Variants in NALF1 observed in about 807,000 individuals in gnomAD.
NALF1 encodes NALCN channel auxiliary factor 1.
Under a neutral mutation model 48.4 loss-of-function variants are expected in NALF1, and 3 were observed. The ratio of observed to expected loss-of-function variants is 0.06; its 90% CI spans 0.03 to 0.16. NALF1 has a LOEUF of 0.16. Among genes scored for constraint, NALF1 ranks in the 10% least tolerant of loss-of-function variants. The pLI, the probability that NALF1 is intolerant of heterozygous loss-of-function variation, is 1.00. For missense variants in NALF1, 526 were observed against 571.5 expected (o/e 0.92, Z 0.81); for synonymous variants, 262 against 245.7 (o/e 1.07, Z -0.62).
chr13:107,351,361 G>A (rs567728034), intron 1 of NALF1, among the ~76,000 whole-genome samples: 1 of 152,266 alleles, frequency 6.6e-6, no homozygotes, highest in African/African-American at 2.4e-5. Flanking sequence ...CCAGAAATGC[G>A]CGAAGGAGAG....
At chr13:107,611,836 T>C (rs547029987) in intron 1 of NALF1, among the ~76,000 whole-genome samples, 7 of 151,310 alleles carry the variant, frequency 4.6e-5, no homozygotes, top group Admixed American at 1.3e-4. Context: ...GTTTGGAGGA[T>C]TGCCTGAGCC....
chr13:107,727,138 G>A (rs139414634), intron 1 of NALF1, among the ~76,000 whole-genome samples: 5 of 151,792 alleles, frequency 3.3e-5, no homozygotes, highest in African/African-American at 4.8e-5. Flanking sequence ...AAAGGATATC[G>A]CATATTTAAG....
At chr13:107,178,614 C>G (rs1241822896) in intron 2 of NALF1, among the ~76,000 whole-genome samples, 3 of 152,106 alleles carry the variant, frequency 2.0e-5, no homozygotes, top group Non-Finnish European at 2.9e-5. Context: ...AAAAGTAGTA[C>G]AGTCACTATG....
At chr13:107,624,772 C>T (rs1277509282) in intron 1 of NALF1, among the ~76,000 whole-genome samples, 1 of 152,210 alleles carries the variant, frequency 6.6e-6, no homozygotes, top group African/African-American at 2.4e-5. Flanking sequence ...GCATTAAGCT[C>T]TTCCACTGCT....
chr13:107,201,245 A>G (rs1879511680), intron 2 of NALF1, among the ~76,000 whole-genome samples: 1 of 152,170 alleles, frequency 6.6e-6, no homozygotes, highest in African/African-American at 2.4e-5. Flanking sequence ...ATGTATAGGC[A>G]CATATCATAG....
intron 1 of NALF1, among the ~76,000 whole-genome samples, chr13:107,438,225 T>C (rs1056800573): frequency 6.6e-6 from 1 of 152,172 alleles, no homozygotes; most frequent in Non-Finnish European, 1.5e-5. Context: ...AAATTCATCT[T>C]TGAGAAAGAA....
chr13:107,749,312 GA>G (rs1309109035), intron 1 of NALF1, among the ~76,000 whole-genome samples: 1 of 152,058 alleles, frequency 6.6e-6, no homozygotes, highest in Non-Finnish European at 1.5e-5. Flanking sequence ...TAAATTTTGT[GA>G]AAATCCGCTG....
chr13:107,262,842 G>C (rs149951214), intron 1 of NALF1, among the ~76,000 whole-genome samples: 1,727 of 150,864 alleles, frequency 0.011, 25 homozygotes, highest in African/African-American at 0.039. Flanking sequence ...GACCAAAACA[G>C]ATCATGGAAA....
intron 1 of NALF1, among the ~76,000 whole-genome samples, chr13:107,699,710 G>T (rs1309971163): frequency 6.6e-6 from 1 of 152,052 alleles, no homozygotes. Context: ...ATCCAAATCA[G>T]AAAGGAACAA....
chr13:107,864,980 G>A, intron 1 of NALF1, among the ~76,000 whole-genome samples: 1 of 152,070 alleles, frequency 6.6e-6, no homozygotes, highest in South Asian at 2.1e-4. Flanking sequence ...TAATTACATA[G>A]TGTGTCTGAT....
At chr13:107,766,848 AC>A (rs1877430662) in intron 1 of NALF1, among the ~76,000 whole-genome samples, 1 of 152,176 alleles carries the variant, frequency 6.6e-6, no homozygotes, top group Admixed American at 6.5e-5. Flanking sequence ...ATGCCATCTG[AC>A]CCACAATAAG....
At chr13:107,422,083 C>A (rs1884198439) in intron 1 of NALF1, among the ~76,000 whole-genome samples, 1 of 152,128 alleles carries the variant, frequency 6.6e-6, no homozygotes, top group Non-Finnish European at 1.5e-5. Flanking sequence ...CTTTATAGAT[C>A]ACTCCTTGGG....
Position 107,325,855 on chromosome 13 carries a change from CATAT to C in NALF1, c.916-115104_916-115101del, listed in dbSNP as rs1228535140. Among the ~76,000 whole-genome samples, 85 of 54,050 alleles carry C rather than the reference CATAT, an allele frequency of 1.6e-3. 1 individual carries two copies. The highest frequency in any genetic ancestry group is 4.0e-3 in the African/African-American group (65 of 16,120). The allele number at this position is 54,050 out of a possible 152,430, so 35.5% of individuals were successfully genotyped here. A position where few individuals can be genotyped will look rare whatever the true frequency, so the allele number is the denominator to read the frequency against. ...AACTGTGTCTCAACACACACACACA[CATAT>C]ATATATATATATATATATATATATA... On this transcript the variant is annotated intron_variant, in intron 1 of 2. Transcript: ENST00000375915.
At chr13:107,688,308 C>T (rs1566444577) in intron 1 of NALF1, among the ~76,000 whole-genome samples, 1 of 152,110 alleles carries the variant, frequency 6.6e-6, no homozygotes, top group Non-Finnish European at 1.5e-5. Context: ...AGTTTGTGTT[C>T]CCAACAATTT....
intron 1 of NALF1, among the ~76,000 whole-genome samples, chr13:107,229,978 G>A (rs1247256484): frequency 6.6e-6 from 1 of 152,218 alleles, no homozygotes; most frequent in Non-Finnish European, 1.5e-5. Flanking sequence ...GCCAAGTAGA[G>A]AGAAGTCCTG....
intron 1 of NALF1, among the ~76,000 whole-genome samples, chr13:107,282,142 T>G (rs927945523): frequency 5.3e-5 from 8 of 152,210 alleles, no homozygotes; most frequent in African/African-American, 1.4e-4. Context: ...TGTAAACTTA[T>G]GTGGTATAAT....
intron 2 of NALF1, among the ~76,000 whole-genome samples, chr13:107,179,802 A>G (rs1233867761): frequency 6.6e-6 from 1 of 150,416 alleles, no homozygotes; most frequent in African/African-American, 2.5e-5. Flanking sequence ...CTTCCCAGTC[A>G]CTGGTGGCTA....
intron 1 of NALF1, among the ~76,000 whole-genome samples, chr13:107,804,166 C>T (rs533603675): frequency 3.9e-5 from 6 of 152,276 alleles, no homozygotes; most frequent in African/African-American, 1.4e-4. Context: ...GCTTTTCTCT[C>T]GCCTGTCCAC....
At position 107,530,717 on chromosome 13, in the gene NALF1, A is replaced by C. The variant is rs146939234; in HGVS notation, c.916-319962T>G. On this transcript the variant is annotated intron_variant, in intron 1 of 2. Coordinates refer to ENST00000375915, the MANE Select transcript of NALF1 (RefSeq NM_001080396.3). ...ATCACCACAGCTATAGAGAAAACAT[A>C]GTATCACTTACATCATATTGATGTA... Among the ~76,000 whole-genome samples the C allele has an allele frequency of 2.9e-3, 438 of 152,264 alleles. 2 individuals carry two copies. Among genetic ancestry groups the C allele is most frequent in the African/African-American group, 9.9e-3 (410 of 41,576 alleles).
Sources: gnomAD v4.1 joint callset for allele counts (sites outside exome capture counted in the v4.1 genomes callset) on GRCh38, gnomAD v4.1.1 for gene constraint, MANE v1.5 for transcripts, NCBI Gene and HGNC (gene_info 2026-07-23, HGNC 2026-07-21) for gene names.